Variants in CDK13 observed in about 807,000 individuals in gnomAD.
CDK13 encodes cyclin dependent kinase 13, also known as cyclin-dependent kinase 13.
Under a neutral mutation model 137.6 loss-of-function variants are expected in CDK13, and 40 were observed. That is an observed-to-expected ratio of 0.29 (90% CI 0.23 to 0.38). The LOEUF is 0.38. Ranked by LOEUF, CDK13 falls within the 10% of genes least tolerant of loss-of-function variation. The pLI is 1.00. For synonymous variants in CDK13, 869 were observed against 760.1 expected, an observed-to-expected ratio of 1.14 and a Z score of -2.36; for missense variants, 1,704 against 1,951.8, an observed-to-expected ratio of 0.87 and a Z score of 2.39.
intron 5 of CDK13, among the ~76,000 whole-genome samples, chr7:40,033,416 A>G (rs1454630708): frequency 2.0e-5 from 3 of 152,264 alleles, no homozygotes; most frequent in African/African-American, 7.2e-5. Context: ...TCTGACTCTG[A>G]TGCTTGTTTC....
chr7:40,056,639 T>C (rs1233828956), intron 7 of CDK13, among the ~76,000 whole-genome samples: 2 of 152,250 alleles, frequency 1.3e-5, no homozygotes, highest in African/African-American at 4.8e-5. Context: ...TTTGGCCTTA[T>C]ACGTCTGGAA....
At chr7:40,069,509 AG>A (rs1786363326) in intron 9 of CDK13, 3 of 314,198 alleles carry the variant, frequency 9.5e-6, no homozygotes, top group Admixed American at 7.8e-5. Context: ...TAACATGCTT[AG>A]GGTTGTGAGA....
chr7:40,002,476 G>A (rs1394414152), intron 5 of CDK13, among the ~76,000 whole-genome samples: 2 of 152,164 alleles, frequency 1.3e-5, no homozygotes, highest in Admixed American at 6.5e-5. Context: ...CTATAGTGGG[G>A]TATGTATATA....
chr7:40,049,454 T>C (rs1304412980), intron 7 of CDK13, among the ~76,000 whole-genome samples: 5 of 151,836 alleles, frequency 3.3e-5, no homozygotes, highest in Admixed American at 6.6e-5. Context: ...TCAAAAGCTA[T>C]GTCCCTCATT....
chr7:39,954,676 G>T (rs1787352920), intron 1 of CDK13, among the ~76,000 whole-genome samples: 1 of 152,212 alleles, frequency 6.6e-6, no homozygotes, highest in Non-Finnish European at 1.5e-5. Flanking sequence ...TATTTCCCCA[G>T]CCTATGCAGA....
At chr7:40,027,737 A>T (rs1785275797) in intron 5 of CDK13, among the ~76,000 whole-genome samples, 1 of 127,528 alleles carries the variant, frequency 7.8e-6, no homozygotes, top group African/African-American at 3.1e-5. Flanking sequence ...CTCTGTTTCT[A>T]CGGGTACATG....
chr7:40,000,720 C>T (rs1011457924), intron 4 of CDK13, among the ~76,000 whole-genome samples: 12 of 152,034 alleles, frequency 7.9e-5, no homozygotes, highest in Non-Finnish European at 1.5e-4. Context: ...TTAAGTAAAA[C>T]GGACTCATAC....
At position 39,997,477 on chromosome 7, in the gene CDK13, A is replaced by C; in HGVS notation, c.1872-17A>C. On this transcript the variant is annotated splice_polypyrimidine_tract_variant and intron_variant, in intron 2 of 13. Transcript: ENST00000181839. ...ACAAAATTTTTGTTTTATTTGTCTG[A>C]CTTCTTTCACTTTCAGCTTACGAGG... 1 of 1,583,284 alleles carries C rather than the reference A, an allele frequency of 6.3e-7. No homozygotes were observed. Among genetic ancestry groups the C allele is most frequent in the African/African-American group, 1.4e-5 (1 of 72,708 alleles).
intron 5 of CDK13, among the ~76,000 whole-genome samples, chr7:40,009,284 A>G (rs1299433347): frequency 2.0e-5 from 3 of 152,250 alleles, no homozygotes; most frequent in African/African-American, 4.8e-5. Context: ...AGCCTGAACT[A>G]TATTTTATTC....
chr7:39,960,645 C>A (rs1787589412), intron 1 of CDK13, among the ~76,000 whole-genome samples: 1 of 152,052 alleles, frequency 6.6e-6, no homozygotes, highest in Admixed American at 6.6e-5. Context: ...GATCTCGGCT[C>A]ACTGTAACAA....
chr7:39,992,395 A>G (rs148944604), intron 2 of CDK13, among the ~76,000 whole-genome samples: 60 of 151,974 alleles, frequency 3.9e-4, no homozygotes, highest in African/African-American at 1.3e-3. Flanking sequence ...ATGGGGTTTC[A>G]CCGTGTTGGC....
At position 39,950,701 on chromosome 7, in the gene CDK13, G is replaced by A. The variant is rs1022252618; in HGVS notation, c.60G>A (p.Lys20=). 2 of 1,445,540 alleles carry A rather than the reference G, an allele frequency of 1.4e-6. No individual in the cohort carries two copies. Among genetic ancestry groups the A allele is most frequent in the Admixed American group, 2.7e-5 (1 of 36,786 alleles). The allele number at this position is 1,445,540 out of a possible 1,614,324, so 89.5% of individuals were successfully genotyped here. ...GCGGGGGCCTGAGCTGGGCGGAGAA[G>A]AAGTTGGAGGAACGCCGCAAGCGGA... The part of the protein sequence containing the change: ...GGGGGLSWAE[K]KLEERRKRRR... The change falls in exon 1 of 14, where the codon AAG becomes AAA. Residue 20 remains lysine, a synonymous_variant. Coordinates refer to ENST00000181839, the MANE Select transcript of CDK13 (RefSeq NM_003718.5).
At chr7:40,002,142 A>G (rs1784696446) in intron 5 of CDK13, 111 bp downstream of exon 5, 1 of 641,082 alleles carries the variant, frequency 1.6e-6, no homozygotes, top group Admixed American at 3.1e-5. Context: ...CTATTGCTCT[A>G]ATCGTGAAAC....
chr7:40,078,882 ATAT>A (rs1324635250), intron 11 of CDK13, 31 bp downstream of exon 11: 26 of 898,950 alleles, frequency 2.9e-5, no homozygotes, highest in Admixed American at 4.5e-5. Context: ...TTATTATTAT[ATAT>A]TATTATTATA....
intron 5 of CDK13, among the ~76,000 whole-genome samples, chr7:40,040,639 T>C (rs1313894420): frequency 1.3e-5 from 2 of 152,332 alleles, no homozygotes; most frequent in African/African-American, 4.8e-5. Flanking sequence ...CATTTGCTCA[T>C]GTGTACTTTT....
intron 9 of CDK13, chr7:40,066,589 A>G (rs1453396123): frequency 6.6e-6 from 1 of 152,244 alleles, no homozygotes; most frequent in African/African-American, 2.4e-5. Flanking sequence ...ACTTTAAGAC[A>G]TTGCTGTCTA....
chr7:40,037,314 G>A (rs1166620618), intron 5 of CDK13, among the ~76,000 whole-genome samples: 1 of 152,148 alleles, frequency 6.6e-6, no homozygotes, highest in South Asian at 2.1e-4. Flanking sequence ...GTTAGCTAGG[G>A]TTGTCGTTAG....
At chr7:39,980,527 G>A (rs910235429) in intron 1 of CDK13, among the ~76,000 whole-genome samples, 3 of 152,076 alleles carry the variant, frequency 2.0e-5, no homozygotes, top group Non-Finnish European at 4.4e-5. Flanking sequence ...ATACCTTTTT[G>A]GGGGGGTTAA....
chr7:39,967,025 C>T (rs1273131953), intron 1 of CDK13, among the ~76,000 whole-genome samples: 2 of 152,152 alleles, frequency 1.3e-5, no homozygotes, highest in Non-Finnish European at 2.9e-5. Context: ...TGCCCCTACT[C>T]GGGGGTGCCT....
Sources: gnomAD v4.1 joint callset for allele counts (sites outside exome capture counted in the v4.1 genomes callset) on GRCh38, gnomAD v4.1.1 for gene constraint, MANE v1.5 for transcripts, NCBI Gene and HGNC (gene_info 2026-07-23, HGNC 2026-07-21) for gene names.